Variants in TAF4B observed in about 807,000 individuals in gnomAD.
The protein encoded by TAF4B is transcription initiation factor TFIID subunit 4B.
Under a neutral mutation model 86.4 loss-of-function variants are expected in TAF4B, and 38 were observed. The observed-to-expected ratio is 0.44, with a 90% confidence interval of 0.34 to 0.58. The LOEUF (loss-of-function observed/expected upper bound fraction) is 0.58. Ranked by LOEUF, TAF4B falls within the 20% of genes least tolerant of loss-of-function variation. The pLI, the probability that TAF4B is intolerant of heterozygous loss-of-function variation, is 0.02. For synonymous variants in TAF4B, 388 were observed against 391.2 expected (o/e 0.99, Z 0.10); for missense variants, 988 against 1,027.6 (o/e 0.96, Z 0.53).
At chr18:26,277,763 T>A (rs908446625) in intron 5 of TAF4B, among the ~76,000 whole-genome samples, 1 of 152,196 alleles carries the variant, frequency 6.6e-6, no homozygotes, top group African/African-American at 2.4e-5. Context: ...TGTAATGACA[T>A]TCATTGTTCA....
chr18:26,233,839 G>A (rs926640728), intron 1 of TAF4B, among the ~76,000 whole-genome samples: 6 of 152,132 alleles, frequency 3.9e-5, no homozygotes, highest in African/African-American at 1.2e-4. Flanking sequence ...AGTCCTCTCC[G>A]TGATAGTGCC....
At position 26,325,900 on chromosome 18, in the gene TAF4B, AGTT is replaced by A. The variant is rs1369196172; in HGVS notation, c.2134-1114_2134-1112del. Reference sequence around the variant, plus strand: ...AAACTATGTAATACTCTTTTGATCTAGTTAAATACCAACAATAAAAATTTAATT... The same window carrying A: ...AAACTATGTAATACTCTTTTGATCTAAAATACCAACAATAAAAATTTAATT... On this transcript the variant is annotated intron_variant, in intron 11 of 14. Transcript: ENST00000269142. Among the ~76,000 whole-genome samples the A allele has an allele frequency of 1.5e-4, 23 of 152,328 alleles. No homozygotes were observed. In the Middle Eastern group the frequency reaches 0.01, roughly 68 times the overall value.
At position 26,285,891 on chromosome 18, in the gene TAF4B, G is replaced by A; in HGVS notation, c.982G>A (p.Val328Ile). ...TCCTCTGCATTTCCAGAAAAGCGTG[G>A]TTGCCTTACGACAACTTCTGCCTAA... ...HLVPFLKKSV[V>I]ALRQLLPNSQ... The change falls in exon 7 of 15, where the codon GTT (valine) becomes ATT (isoleucine). Residue 328 changes from valine (V) to isoleucine (I), a missense_variant. By Grantham distance (29) the Val-to-Ile change is conservative. This residue lies in a region of TAF4B where 747 missense variants were observed against 737.9 expected (regional missense o/e 1.01). Coordinates refer to ENST00000269142, the MANE Select transcript of TAF4B (RefSeq NM_005640.3). 2 of 1,602,278 alleles carry A rather than the reference G, an allele frequency of 1.2e-6. No individual in the cohort carries two copies. Among genetic ancestry groups the A allele is most frequent in the Non-Finnish European group, 1.7e-6 (2 of 1,172,876 alleles).
chr18:26,263,095 C>A (rs935433718), intron 1 of TAF4B, among the ~76,000 whole-genome samples: 2 of 152,132 alleles, frequency 1.3e-5, no homozygotes, highest in Non-Finnish European at 2.9e-5. Flanking sequence ...GGACTACAGG[C>A]ACATGCCCAC....
At chr18:26,235,733 A>G (rs948137691) in intron 1 of TAF4B, among the ~76,000 whole-genome samples, 7 of 152,186 alleles carry the variant, frequency 4.6e-5, no homozygotes, top group African/African-American at 1.7e-4. Context: ...AGTGCAGAAG[A>G]AGGCATCCTT....
chr18:26,285,487 C>G (rs112132904), intron 6 of TAF4B, among the ~76,000 whole-genome samples: 2,395 of 151,966 alleles, frequency 0.016, 37 homozygotes, highest in Middle Eastern at 0.065. Flanking sequence ...GCACCTATTT[C>G]TATCCAAAGT....
chr18:26,310,486 G>T (rs924054160), intron 9 of TAF4B, among the ~76,000 whole-genome samples: 1 of 152,154 alleles, frequency 6.6e-6, no homozygotes, highest in African/African-American at 2.4e-5. Context: ...ATAGAAGAAG[G>T]AATAAGCAGG....
intron 1 of TAF4B, among the ~76,000 whole-genome samples, chr18:26,243,891 G>A (rs1208161826): frequency 6.6e-6 from 1 of 152,202 alleles, no homozygotes; most frequent in African/African-American, 2.4e-5. Flanking sequence ...GGAGGCTGCA[G>A]TACAGCAAAT....
At chr18:26,255,906 C>G (rs1261421233) in intron 1 of TAF4B, 3 of 1,230,268 alleles carry the variant, frequency 2.4e-6, no homozygotes, top group African/African-American at 3.0e-5. Context: ...TCTGTTAGAA[C>G]CAGAAGCCAT....
chr18:26,367,552 G>A (rs1323450471), intron 14 of TAF4B, among the ~76,000 whole-genome samples: 1 of 152,108 alleles, frequency 6.6e-6, no homozygotes, highest in Non-Finnish European at 1.5e-5. Flanking sequence ...CATTGGTAAG[G>A]GTGGTTCTTC....
At chr18:26,355,992 T>G (rs762420044) in intron 13 of TAF4B, among the ~76,000 whole-genome samples, 3 of 152,188 alleles carry the variant, frequency 2.0e-5, no homozygotes, top group Admixed American at 6.5e-5. Context: ...GGAAAATGGT[T>G]CTTAGTTCAT....
At position 26,327,639 on chromosome 18, in the gene TAF4B, C is replaced by T. The variant is rs561175502; in HGVS notation, c.2259+499C>T. Among the ~76,000 whole-genome samples the T allele has an allele frequency of 6.6e-5, 10 of 152,304 alleles. No individual in the cohort carries two copies. In the East Asian group the frequency reaches 7.7e-4, roughly 12 times the overall value. ...AGGCTGGAATGCAGTGGCATGATCTCGGCTTACTGCAACCTCTGCCTCCTG... is the reference window on the plus strand; with the variant it reads ...AGGCTGGAATGCAGTGGCATGATCTTGGCTTACTGCAACCTCTGCCTCCTG... On this transcript the variant is annotated intron_variant, in intron 12 of 14. Transcript: ENST00000269142.
rs140504648 is a variant in TAF4B, at chr18:26,359,448, G to A, written c.2421+1654G>A. ...AAAAAATTCAAATATATACAAAGGC[G>A]GAGAGAGCAGTATAATCAACCCTCA... On this transcript the variant is annotated intron_variant, in intron 14 of 14. Coordinates refer to ENST00000269142, the MANE Select transcript of TAF4B (RefSeq NM_005640.3). Among the ~76,000 whole-genome samples, 318 of 152,258 alleles carry A rather than the reference G, an allele frequency of 2.1e-3. 1 individual carries two copies. Among genetic ancestry groups the A allele is most frequent in the African/African-American group, 7.1e-3 (293 of 41,550 alleles).
rs1199022475 is a variant in TAF4B, at chr18:26,267,590, G to A, written c.564G>A (p.Val188=). 5 of 1,614,046 alleles carry A rather than the reference G, an allele frequency of 3.1e-6. No individual in the cohort carries two copies. The highest frequency in any genetic ancestry group is 1.7e-5 in the Admixed American group (1 of 60,018). The stretch of plus-strand genomic sequence containing the variant: ...AATTGGCACAAATAGGAACTACTGT[G>A]GTAACCACTGTTCCGAAGCCTTCCT... The part of the protein sequence containing the change: ...VKKLAQIGTT[V]VTTVPKPSSV... Residue 188 remains valine (V), a synonymous_variant, in exon 3 of 15, where the codon GTG becomes GTA. Coordinates refer to ENST00000269142, the MANE Select transcript of TAF4B (RefSeq NM_005640.3).
rs141236179 is a variant in TAF4B at position 26,387,674 on chromosome 18, A to G, written c.2422-2171A>G. On this transcript the variant is annotated intron_variant, in intron 14 of 14. Transcript: ENST00000269142. ...GCAGAAGTGGCGAGAGACTGGCTCT[A>G]TACTGTAGATGGGCTCTGGGATAAG... Among the ~76,000 whole-genome samples the G allele has an allele frequency of 7.9e-5, 12 of 152,266 alleles. No homozygotes were observed. In the East Asian group the frequency reaches 1.5e-3, roughly 20 times the overall value.
intron 9 of TAF4B, among the ~76,000 whole-genome samples, chr18:26,296,172 T>G (rs1485403512): frequency 6.6e-6 from 1 of 152,144 alleles, no homozygotes. Flanking sequence ...TTGTATCTAT[T>G]TGCCGTGGGA....
At position 26,390,096 on chromosome 18, in the gene TAF4B, T is replaced by C. The variant is rs141535856; in HGVS notation, c.*84T>C. 2.2e-4 allele frequency: 297 copies of C among 1,362,818 alleles called. No individual in the cohort carries two copies. In the African/African-American group the frequency reaches 3.8e-3, roughly 17 times the overall value. 84.4% of individuals were successfully genotyped at this position (1,362,818 alleles called of 1,614,324 possible). On this transcript the variant is annotated 3_prime_UTR_variant, in exon 15 of 15. Transcript: ENST00000269142. Reference sequence around the variant, plus strand: ...TGTTGCACTGTCCTGAAATTTCAATTTCTGGAAAATAATCACCAACATGAA... The same window carrying C: ...TGTTGCACTGTCCTGAAATTTCAATCTCTGGAAAATAATCACCAACATGAA...
intron 14 of TAF4B, among the ~76,000 whole-genome samples, chr18:26,360,274 G>A (rs1274866039): frequency 6.6e-6 from 1 of 152,072 alleles, no homozygotes; most frequent in East Asian, 1.9e-4. Flanking sequence ...GCCATCTCAT[G>A]ACTGAAAATG....
At chr18:26,265,061 A>G (rs2056219231) in intron 1 of TAF4B, 109 bp from the exon 2 acceptor site, 1 of 1,124,874 alleles carries the variant, frequency 8.9e-7, no homozygotes, top group Non-Finnish European at 1.3e-6. Context: ...TTCAGTATGT[A>G]TTGAAGACAT....
Sources: gnomAD v4.1 joint callset for allele counts (sites outside exome capture counted in the v4.1 genomes callset) on GRCh38, gnomAD v4.1.1 for gene constraint, gnomAD v4.1.1 regional missense constraint, MANE v1.5 for transcripts, NCBI Gene and HGNC (gene_info 2026-07-23, HGNC 2026-07-21) for gene names.